CTIF: variants seen among roughly 807,000 people sequenced by gnomAD.
The protein encoded by CTIF is cap binding complex dependent translation initiation factor.
Under a neutral mutation model 66.0 loss-of-function variants are expected in CTIF, and 21 were observed. The ratio of observed to expected loss-of-function variants is 0.32; its 90% CI spans 0.23 to 0.46. CTIF has a LOEUF of 0.46. Ranked by LOEUF, CTIF falls within the 20% of genes least tolerant of loss-of-function variation. The pLI, the probability that CTIF is intolerant of heterozygous loss-of-function variation, is 1.00. For missense variants in CTIF, 739 were observed against 812.7 expected (o/e 0.91, Z 1.10); for synonymous variants, 345 against 326.4 (o/e 1.06, Z -0.62).
intron 6 of CTIF, among the ~76,000 whole-genome samples, chr18:48,691,548 T>C (rs2091925722): frequency 6.6e-6 from 1 of 152,236 alleles, no homozygotes; most frequent in South Asian, 2.1e-4. Context: ...CTGCACCAGA[T>C]AGAATCAGTC....
intron 7 of CTIF, among the ~76,000 whole-genome samples, chr18:48,742,053 T>G (rs1288930253): frequency 2.0e-5 from 3 of 152,128 alleles, no homozygotes; most frequent in Non-Finnish European, 2.9e-5. Context: ...AAGAACAGGA[T>G]GTGGTCCCTG....
Position 48,656,711 on chromosome 18 carries a change from A to G in CTIF, c.253-7041A>G, listed in dbSNP as rs553081384. Among the ~76,000 whole-genome samples the G allele has an allele frequency of 1.6e-4, 25 of 152,324 alleles. No individual in the cohort carries two copies. In the South Asian group the frequency reaches 4.6e-3, roughly 28 times the overall value. The stretch of plus-strand genomic sequence containing the variant: ...TTGCCAATAAAAGGGGCTGTCACGA[A>G]GGATTCAGCAGTGTTTAAGTGCTAA... On this transcript the variant is annotated intron_variant, in intron 3 of 11. Coordinates refer to ENST00000256413, the MANE Select transcript of CTIF (RefSeq NM_014772.3).
chr18:48,721,240 T>A (rs999130055), intron 7 of CTIF, among the ~76,000 whole-genome samples: 59 of 152,136 alleles, frequency 3.9e-4, no homozygotes, highest in Non-Finnish European at 4.4e-5. Context: ...GGGGCACATG[T>A]CTAGTTACCT....
intron 6 of CTIF, among the ~76,000 whole-genome samples, chr18:48,693,620 C>G (rs535676430): frequency 6.6e-6 from 1 of 152,122 alleles, no homozygotes; most frequent in South Asian, 2.1e-4. Context: ...GGGTACCTAT[C>G]CAAGGCAGAA....
At chr18:48,568,358 G>A (rs182962331) in intron 1 of CTIF, 179 of 152,184 alleles carry the variant, frequency 1.2e-3, no homozygotes, top group African/African-American at 4.1e-3. Context: ...AGCCCCATGA[G>A]GTGGGGAAAC....
chr18:48,539,552 C>T (rs1207229152), intron 1 of CTIF: 3 of 152,410 alleles, frequency 2.0e-5, no homozygotes, highest in Admixed American at 6.5e-5. Context: ...CGCCCCCTCC[C>T]TGGGTTTGTC....
intron 7 of CTIF, among the ~76,000 whole-genome samples, chr18:48,735,146 T>C (rs578229797): frequency 2.8e-4 from 43 of 152,112 alleles, no homozygotes; most frequent in Non-Finnish European, 4.7e-4. Context: ...TAAGGCCCTG[T>C]AACTTCAGAG....
chr18:48,815,053 T>C (rs2068334083), intron 9 of CTIF, among the ~76,000 whole-genome samples: 1 of 152,168 alleles, frequency 6.6e-6, no homozygotes. Flanking sequence ...AAGCGTGGGC[T>C]CTGATGCACT....
intron 1 of CTIF, among the ~76,000 whole-genome samples, chr18:48,612,189 C>T (rs760720509): frequency 4.6e-5 from 7 of 152,314 alleles, no homozygotes; most frequent in Middle Eastern, 3.4e-3. Flanking sequence ...CGCAGACTGT[C>T]GGGGAAGTAC....
rs758245311 is a variant in CTIF, at chr18:48,655,822, C to T, written c.253-7930C>T. 5.3e-5 allele frequency among the ~76,000 whole-genome samples: 8 copies of T among 152,318 alleles called. 1 individual carries two copies. The highest frequency in any genetic ancestry group is 6.5e-5 in the Admixed American group (1 of 15,304). ...GTCCCAACAATAGAGAGCATCCTCC[C>T]GCTGTCCTATCCCATTCAGCCTAGT... On this transcript the variant is annotated intron_variant, in intron 3 of 11. Coordinates refer to ENST00000256413, the MANE Select transcript of CTIF (RefSeq NM_014772.3).
At chr18:48,785,539 C>T (rs980450723) in intron 9 of CTIF, among the ~76,000 whole-genome samples, 3 of 151,952 alleles carry the variant, frequency 2.0e-5, no homozygotes, top group South Asian at 2.1e-4. Flanking sequence ...CTGAAATGGG[C>T]GGAAGAGCTG....
intron 1 of CTIF, among the ~76,000 whole-genome samples, chr18:48,614,871 GGTT>G (rs1395660350): frequency 6.6e-6 from 1 of 151,936 alleles, no homozygotes; most frequent in African/African-American, 2.4e-5. Flanking sequence ...TTGGTTGGTT[GGTT>G]GTTTTTTTTG....
chr18:48,852,363 A>G (rs1456665205), intron 10 of CTIF, among the ~76,000 whole-genome samples: 1 of 151,584 alleles, frequency 6.6e-6, no homozygotes, highest in East Asian at 1.9e-4. Context: ...CCAGTCCCAG[A>G]CAGTCACAGG....
At chr18:48,738,543 C>CT (rs949273128) in intron 7 of CTIF, among the ~76,000 whole-genome samples, 1 of 152,092 alleles carries the variant, frequency 6.6e-6, no homozygotes, top group South Asian at 2.1e-4. Flanking sequence ...GTTCCCCCTC[C>CT]CCGGATTGCT....
chr18:48,600,863 C>T (rs1464414117), intron 1 of CTIF, among the ~76,000 whole-genome samples: 1 of 152,130 alleles, frequency 6.6e-6, no homozygotes, highest in Non-Finnish European at 1.5e-5. Flanking sequence ...TAGCCTCCTG[C>T]TACATCAATC....
At chr18:48,768,855 GT>G (rs1909833608) in intron 9 of CTIF, among the ~76,000 whole-genome samples, 1 of 152,180 alleles carries the variant, frequency 6.6e-6, no homozygotes, top group Admixed American at 6.5e-5. Flanking sequence ...AGAGAGCTAG[GT>G]CCCTGCTGTT....
intron 10 of CTIF, among the ~76,000 whole-genome samples, chr18:48,836,272 C>T (rs771962847): frequency 6.6e-6 from 1 of 152,186 alleles, no homozygotes; most frequent in African/African-American, 2.4e-5. Context: ...CAGGTGCCCC[C>T]TCTTGAGCAC....
intron 3 of CTIF, among the ~76,000 whole-genome samples, chr18:48,656,042 A>G (rs1396974827): frequency 6.6e-6 from 1 of 152,246 alleles, no homozygotes; most frequent in Non-Finnish European, 1.5e-5. Context: ...GCATTCATGC[A>G]TGTGTGGAGA....
intron 10 of CTIF, among the ~76,000 whole-genome samples, chr18:48,857,325 G>A (rs2069351624): frequency 6.6e-6 from 1 of 152,250 alleles, no homozygotes; most frequent in Non-Finnish European, 1.5e-5. Context: ...ACGGTGTTCA[G>A]ACCTGGCCCA....
Sources: gnomAD v4.1 joint callset for allele counts (sites outside exome capture counted in the v4.1 genomes callset) on GRCh38, gnomAD v4.1.1 for gene constraint, MANE v1.5 for transcripts, NCBI Gene and HGNC (gene_info 2026-07-23, HGNC 2026-07-21) for gene names.